AJAP1: variants seen among roughly 807,000 people sequenced by gnomAD.
AJAP1 encodes the protein adherens junctions associated protein 1, also known as adherens junction-associated protein 1.
A neutral mutation model predicts 35.0 loss-of-function variants in AJAP1; 5 were observed. The observed-to-expected ratio is 0.14, with a 90% CI of 0.07 to 0.30. AJAP1 has a LOEUF of 0.30. Ranked by LOEUF, AJAP1 falls within the 10% of genes least tolerant of loss-of-function variation. The pLI is 1.00. For synonymous variants in AJAP1, 284 were observed against 249.3 expected (o/e 1.14, Z -1.31); for missense variants, 586 against 571.0 (o/e 1.03, Z -0.27).
At chr1:4,686,027 T>C (rs1036202050) in intron 1 of AJAP1, among the ~76,000 whole-genome samples, 1 of 152,204 alleles carries the variant, frequency 6.6e-6, no homozygotes, top group Non-Finnish European at 1.5e-5. Flanking sequence ...AAATCCAAAC[T>C]GCAGGCTTGA....
chr1:4,708,609 T>C (rs1640154301), intron 1 of AJAP1, among the ~76,000 whole-genome samples: 2 of 152,326 alleles, frequency 1.3e-5, no homozygotes, highest in Admixed American at 1.3e-4. Context: ...TTGTTTGTAC[T>C]GCTCACTGGT....
At chr1:4,678,905 TAAC>T (rs1329385811) in intron 1 of AJAP1, among the ~76,000 whole-genome samples, 2 of 152,234 alleles carry the variant, frequency 1.3e-5, no homozygotes, top group African/African-American at 4.8e-5. Flanking sequence ...GTAATCCTCA[TAAC>T]AACCGAGTAG....
At chr1:4,779,584 G>A (rs952094990) in intron 5 of AJAP1, among the ~76,000 whole-genome samples, 1 of 152,080 alleles carries the variant, frequency 6.6e-6, no homozygotes, top group Non-Finnish European at 1.5e-5. Context: ...GAAAGCAGCC[G>A]GGGCCACAGT....
In AJAP1 at chr1:4,782,806, G is replaced by A. The variant is rs978972995; in HGVS notation, c.*321G>A. The stretch of plus-strand genomic sequence containing the variant: ...AAGGAACCAGAGGCAGAGAGACGAG[G>A]ATACCCAGCGAAAGGGACGGGAGGA... On this transcript the variant is annotated 3_prime_UTR_variant, in exon 6 of 6. Coordinates refer to ENST00000378191, the MANE Select transcript of AJAP1 (RefSeq NM_018836.4). This position sits in a 1 kb window ranked among gnomAD's most constrained non-coding sequence, Gnocchi z 5.3. 2 of 398,692 alleles carry A rather than the reference G, an allele frequency of 5.0e-6. No homozygotes were observed. Among genetic ancestry groups the A allele is most frequent in the Non-Finnish European group, 8.8e-6 (2 of 226,112 alleles). 24.7% of individuals were successfully genotyped at this position (398,692 alleles called of 1,614,324 possible).
At position 4,693,866 on chromosome 1, in the gene AJAP1, G is replaced by A. The variant is rs1639798251; in HGVS notation, c.30-18034G>A. Reference sequence around the variant, plus strand: ...GAGATAATGGCATTCAGCCATTCAAGGGGGCAGAGCCTTCAGGGCCCCCTC... The same window carrying A: ...GAGATAATGGCATTCAGCCATTCAAAGGGGCAGAGCCTTCAGGGCCCCCTC... On this transcript the variant is annotated intron_variant, in intron 1 of 5. Coordinates refer to ENST00000378191, the MANE Select transcript of AJAP1 (RefSeq NM_018836.4). The surrounding 1 kb of genome is among the most constrained non-coding windows in gnomAD (Gnocchi z 4.4). 6.6e-6 allele frequency among the ~76,000 whole-genome samples: 1 copy of A among 152,160 alleles called. No homozygotes were observed. Among genetic ancestry groups the A allele is most frequent in the Non-Finnish European group, 1.5e-5 (1 of 68,012 alleles).
At chr1:4,658,479 C>A (rs1399310656) in intron 1 of AJAP1, among the ~76,000 whole-genome samples, 1 of 152,248 alleles carries the variant, frequency 6.6e-6, no homozygotes, top group East Asian at 1.9e-4. Flanking sequence ...ACGCGCAGTC[C>A]ACAAACATTG....
chr1:4,772,794 C>T (rs1216461625), intron 4 of AJAP1, among the ~76,000 whole-genome samples: 2 of 152,186 alleles, frequency 1.3e-5, no homozygotes, highest in African/African-American at 4.8e-5. Flanking sequence ...AATGCATAGT[C>T]TCCCAGCCCT....
Position 4,712,007 on chromosome 1 carries a change from CG to C in AJAP1, c.141del (p.Pro48ArgfsTer105). 2 of 1,595,364 alleles carry C rather than the reference CG, an allele frequency of 1.3e-6. No homozygotes were observed. The highest frequency in any genetic ancestry group is 1.7e-6 in the Non-Finnish European group (2 of 1,173,948). On this transcript the variant is annotated frameshift_variant, in exon 2 of 6. Transcript: ENST00000378191. LOFTEE classifies it high-confidence loss of function. Reference protein sequence around the residue: ...VDLPACEALGPGPEFWLLPRS... With the variant: ...VDLPACEALGXGPEFWLLPRS... ...CTGCCCGCCTGTGAGGCCCTGGGCC[CG>C]GGGCCGGAGTTCTGGCTCCTGCCGC... is the stretch of plus-strand genomic sequence containing the variant.
intron 2 of AJAP1, among the ~76,000 whole-genome samples, chr1:4,741,506 C>G (rs888728587): frequency 3.9e-5 from 6 of 152,200 alleles, no homozygotes; most frequent in African/African-American, 1.2e-4. Flanking sequence ...TGTGTGACCT[C>G]ATCTTAATTC....
At chr1:4,742,818 A>C (rs1641100620) in intron 2 of AJAP1, among the ~76,000 whole-genome samples, 1 of 152,148 alleles carries the variant, frequency 6.6e-6, no homozygotes, top group South Asian at 2.1e-4. Context: ...TTTCCCCAAA[A>C]GCCCTGATAC....
chr1:4,655,975 G>A lies in AJAP1; in HGVS notation c.29+521G>A, dbSNP rs191003267. Among the ~76,000 whole-genome samples, 67 of 152,192 alleles carry A rather than the reference G, an allele frequency of 4.4e-4. No homozygotes were observed. Among genetic ancestry groups the A allele is most frequent in the Admixed American group, 1.1e-3 (17 of 15,306 alleles). The stretch of plus-strand genomic sequence containing the variant: ...CTCGGGGCCCCGGGGCTGAGCAGGG[G>A]CCTCCCAGGCTCCCAGCTGCCGACC... On this transcript the variant is annotated intron_variant, in intron 1 of 5. Coordinates refer to ENST00000378191, the MANE Select transcript of AJAP1 (RefSeq NM_018836.4). This position sits in a 1 kb window ranked among gnomAD's most constrained non-coding sequence, Gnocchi z 6.9.
chr1:4,775,280 C>T (rs1641919662), intron 5 of AJAP1, among the ~76,000 whole-genome samples: 1 of 152,150 alleles, frequency 6.6e-6, no homozygotes, highest in African/African-American at 2.4e-5. Context: ...CATGGCTGCA[C>T]ATCCCATGCA....
At chr1:4,746,759 C>T (rs1641197214) in intron 2 of AJAP1, among the ~76,000 whole-genome samples, 1 of 152,200 alleles carries the variant, frequency 6.6e-6, no homozygotes, top group Non-Finnish European at 1.5e-5. Flanking sequence ...GAGTGAACAC[C>T]AGGTTTCGTG....
chr1:4,663,427 G>T (rs1426155549), intron 1 of AJAP1, among the ~76,000 whole-genome samples: 5 of 152,160 alleles, frequency 3.3e-5, no homozygotes, highest in Non-Finnish European at 5.9e-5. Context: ...TGGATTCCAG[G>T]AATTCCATGA....
Position 4,788,820 on chromosome 1 carries a change from G to A in AJAP1, c.*6335G>A, listed in dbSNP as rs1642209772. The A allele has an allele frequency of 1.3e-5, 2 of 152,218 alleles. No individual in the cohort carries two copies. The highest frequency in any genetic ancestry group is 6.6e-5 in the Admixed American group (1 of 15,262). 9.4% of individuals were successfully genotyped at this position (152,218 alleles called of 1,614,324 possible). On this transcript the variant is annotated 3_prime_UTR_variant, in exon 6 of 6. Coordinates refer to ENST00000378191, the MANE Select transcript of AJAP1 (RefSeq NM_018836.4). ...CCCTAAGGCAGTAGGGCATGGGGAGGAAAGTTCTCTCCATCGATTCCCAAA... is the reference window on the plus strand; with the variant it reads ...CCCTAAGGCAGTAGGGCATGGGGAGAAAAGTTCTCTCCATCGATTCCCAAA...
chr1:4,781,952 C>T (rs551378345), intron 5 of AJAP1, among the ~76,000 whole-genome samples: 1 of 152,302 alleles, frequency 6.6e-6, no homozygotes, highest in East Asian at 1.9e-4. Flanking sequence ...AGGTGGGACT[C>T]GCCTTCTCTC....
chr1:4,677,344 G>T (rs2100523572), intron 1 of AJAP1, among the ~76,000 whole-genome samples: 1 of 152,234 alleles, frequency 6.6e-6, no homozygotes, highest in South Asian at 2.1e-4. Flanking sequence ...GCTCCTAAAG[G>T]TTGAGGATTC....
At chr1:4,736,519 T>A (rs1640927899) in intron 2 of AJAP1, among the ~76,000 whole-genome samples, 1 of 152,210 alleles carries the variant, frequency 6.6e-6, no homozygotes, top group Admixed American at 6.5e-5. Context: ...CTTCCTCAAA[T>A]GTTCATGCTG....
intron 2 of AJAP1, among the ~76,000 whole-genome samples, chr1:4,756,839 T>C (rs1425060057): frequency 6.6e-6 from 1 of 152,130 alleles, no homozygotes; most frequent in Non-Finnish European, 1.5e-5. Context: ...AGAATCCTTG[T>C]GGGTTTTCCC....
Sources: gnomAD v4.1 joint callset for allele counts (sites outside exome capture counted in the v4.1 genomes callset) on GRCh38, gnomAD v4.1.1 for gene constraint, Gnocchi (gnomAD v3.1) non-coding constraint, MANE v1.5 for transcripts, NCBI Gene and HGNC (gene_info 2026-07-23, HGNC 2026-07-21) for gene names.